WDFY3: variants seen among roughly 807,000 people sequenced by gnomAD.
The protein encoded by WDFY3 is WD repeat and FYVE domain containing 3.
WDFY3 carries 66 observed loss-of-function variants against 409.6 expected under a neutral mutation model. That is an observed-to-expected ratio of 0.16 (90% CI 0.13 to 0.20). The LOEUF (loss-of-function observed/expected upper bound fraction) is 0.20. Among genes scored for constraint, WDFY3 ranks in the 10% least tolerant of loss-of-function variants. The pLI, the probability that WDFY3 is intolerant of heterozygous loss-of-function variation, is 1.00. For missense variants in WDFY3, 3,031 were observed against 4,298.1 expected (o/e 0.71, Z 8.24); for synonymous variants, 1,521 against 1,537.1 (o/e 0.99, Z 0.25).
chr4:84,695,637 A>G, intron 58 of WDFY3, among the ~76,000 whole-genome samples: 1 of 152,026 alleles, frequency 6.6e-6, no homozygotes, highest in East Asian at 1.9e-4. Context: ...TCTGCCTAAA[A>G]TCAGCACTGG....
At chr4:84,926,210 GA>G (rs1367582174) in intron 2 of WDFY3, among the ~76,000 whole-genome samples, 3,925 of 71,544 alleles carry the variant, frequency 0.055, 154 homozygotes, top group African/African-American at 0.17. Flanking sequence ...GTCTCTAAAA[GA>G]AAAAAAAAAA....
chr4:84,915,381 T>A (rs988462195), intron 2 of WDFY3, among the ~76,000 whole-genome samples: 1 of 152,198 alleles, frequency 6.6e-6, no homozygotes. Context: ...TGAATATTAT[T>A]CCTGAAACAG....
chr4:84,745,345 T>C (rs1739242489), intron 36 of WDFY3, among the ~76,000 whole-genome samples: 1 of 152,116 alleles, frequency 6.6e-6, no homozygotes, highest in Non-Finnish European at 1.5e-5. Context: ...AGTATTGAGG[T>C]TTTGCAAGTG....
intron 1 of WDFY3, among the ~76,000 whole-genome samples, chr4:84,938,357 T>C (rs899455826): frequency 4.6e-5 from 7 of 152,210 alleles, no homozygotes; most frequent in South Asian, 4.1e-4. Context: ...TAATTGATAA[T>C]GATGATAACC....
chr4:84,762,939 C>A (rs759494306), intron 32 of WDFY3, among the ~76,000 whole-genome samples: 7 of 151,594 alleles, frequency 4.6e-5, no homozygotes, highest in Admixed American at 2.0e-4. Flanking sequence ...TAACAAGACC[C>A]AATCTCTAAA....
At chr4:84,778,946 C>G (rs977327869) in intron 26 of WDFY3, among the ~76,000 whole-genome samples, 28 of 152,158 alleles carry the variant, frequency 1.8e-4, no homozygotes, top group African/African-American at 6.3e-4. Flanking sequence ...TAAATAGTTA[C>G]CAACGCGTGC....
intron 59 of WDFY3, among the ~76,000 whole-genome samples, chr4:84,692,573 AT>A (rs1054137421): frequency 6.6e-6 from 1 of 152,014 alleles, no homozygotes; most frequent in Non-Finnish European, 1.5e-5. Flanking sequence ...ATGAAGACAA[AT>A]TTTTTTTATC....
At chr4:84,892,592 T>G (rs925533540) in intron 3 of WDFY3, among the ~76,000 whole-genome samples, 1 of 152,198 alleles carries the variant, frequency 6.6e-6, no homozygotes, top group African/African-American at 2.4e-5. Context: ...GCCTCTCATA[T>G]AGATCTCCCA....
chr4:84,784,882 A>ATATATATG (rs1203634324), intron 24 of WDFY3, among the ~76,000 whole-genome samples: 2 of 89,868 alleles, frequency 2.2e-5, no homozygotes, highest in African/African-American at 8.3e-5. Flanking sequence ...ATATATATAT[A>ATATATATG]TATATATATA....
intron 2 of WDFY3, among the ~76,000 whole-genome samples, chr4:84,903,314 T>A (rs939888913): frequency 2.0e-5 from 3 of 152,164 alleles, no homozygotes; most frequent in Non-Finnish European, 4.4e-5. Context: ...GGAGTTTGTT[T>A]GCGTCAAACA....
At chr4:84,894,911 C>T (rs1412612291) in intron 3 of WDFY3, among the ~76,000 whole-genome samples, 3 of 141,402 alleles carry the variant, frequency 2.1e-5, no homozygotes, top group African/African-American at 2.7e-5. Context: ...AATTGCACCA[C>T]GGCACTCCAG....
intron 7 of WDFY3, 121 bp from the exon 8 acceptor site, chr4:84,831,726 G>A (rs1755767925): frequency 2.4e-6 from 2 of 822,912 alleles, no homozygotes; most frequent in Non-Finnish European, 3.6e-6. Context: ...TGGCCAACAG[G>A]TATATGAAAA....
intron 2 of WDFY3, among the ~76,000 whole-genome samples, chr4:84,930,354 A>C (rs1226622315): frequency 2.0e-5 from 3 of 152,172 alleles, no homozygotes; most frequent in African/African-American, 7.2e-5. Flanking sequence ...CATATAATCT[A>C]ATCTACTCAT....
intron 3 of WDFY3, among the ~76,000 whole-genome samples, chr4:84,868,581 A>G (rs1164281993): frequency 6.6e-6 from 1 of 152,176 alleles, no homozygotes; most frequent in East Asian, 1.9e-4. Flanking sequence ...AATTTCTCAG[A>G]TTTATTTAAA....
chr4:84,870,537 C>T (rs1022841568), intron 3 of WDFY3, among the ~76,000 whole-genome samples: 2 of 152,106 alleles, frequency 1.3e-5, no homozygotes, highest in Admixed American at 6.5e-5. Flanking sequence ...TTTTCAAGAT[C>T]TGAGAAAGAT....
chr4:84,931,643 A>G (rs1770779826), intron 2 of WDFY3, among the ~76,000 whole-genome samples: 1 of 152,182 alleles, frequency 6.6e-6, no homozygotes, highest in Non-Finnish European at 1.5e-5. Context: ...GGGACACTCC[A>G]AAAGTTTTCC....
At chr4:84,764,344 G>T (rs1380748931) in intron 32 of WDFY3, among the ~76,000 whole-genome samples, 4 of 152,124 alleles carry the variant, frequency 2.6e-5, no homozygotes, top group African/African-American at 4.8e-5. Flanking sequence ...CATATCTGTA[G>T]ATTAAATCCT....
chr4:84,696,602 C>A (rs1730191140), intron 57 of WDFY3, 130 bp downstream of exon 57: 1 of 810,466 alleles, frequency 1.2e-6, no homozygotes, highest in Non-Finnish European at 2.0e-6. Flanking sequence ...TGGGATGTAT[C>A]CCCTGTAGAT....
At chr4:84,914,512 G>C (rs1768215847) in intron 2 of WDFY3, among the ~76,000 whole-genome samples, 2 of 152,154 alleles carry the variant, frequency 1.3e-5, no homozygotes, top group Non-Finnish European at 2.9e-5. Context: ...TTTTCGACTG[G>C]AGGGGCACTG....
Sources: gnomAD v4.1 joint callset for allele counts (sites outside exome capture counted in the v4.1 genomes callset) on GRCh38, gnomAD v4.1.1 for gene constraint, MANE v1.5 for transcripts, NCBI Gene and HGNC (gene_info 2026-07-23, HGNC 2026-07-21) for gene names.